The following SPIDR variants were observed in gnomAD, a reference collection of about 807,000 sequenced individuals.
The protein encoded by SPIDR is DNA repair-scaffolding protein.
SPIDR carries 93 observed loss-of-function variants against 104.6 expected under a neutral mutation model. The observed-to-expected ratio is 0.89, with a 90% CI of 0.75 to 1.06. The LOEUF (loss-of-function observed/expected upper bound fraction) is 1.06. Among genes scored for constraint, SPIDR ranks in the 50% least tolerant of loss-of-function variants. The pLI, the probability that SPIDR is intolerant of heterozygous loss-of-function variation, is 0.00. For synonymous variants in SPIDR, 431 were observed against 416.9 expected (o/e 1.03, Z -0.41); for missense variants, 1,154 against 1,111.2 (o/e 1.04, Z -0.55).
chr8:47,395,577 C>T (rs564252439), intron 5 of SPIDR, among the ~76,000 whole-genome samples: 1 of 152,178 alleles, frequency 6.6e-6, no homozygotes, highest in Admixed American at 6.5e-5. Context: ...AAATAAAATC[C>T]TATTGTGCTT....
At chr8:47,595,768 C>T in intron 8 of SPIDR, 43 bp from the exon 9 acceptor site, 1 of 1,583,522 alleles carries the variant, frequency 6.3e-7, no homozygotes, top group Non-Finnish European at 8.7e-7. Flanking sequence ...TGAGGGGACC[C>T]CAATATTGCA....
chr8:47,582,458 T>C (rs2154411928), intron 8 of SPIDR, among the ~76,000 whole-genome samples: 1 of 152,296 alleles, frequency 6.6e-6, no homozygotes, highest in African/African-American at 2.4e-5. Context: ...GTGCTGATAG[T>C]GATAGAAAAT....
At chr8:47,707,465 T>C (rs918263493) in intron 14 of SPIDR, among the ~76,000 whole-genome samples, 1 of 152,216 alleles carries the variant, frequency 6.6e-6, no homozygotes, top group Non-Finnish European at 1.5e-5. Context: ...GTCTTTAAAG[T>C]TATTTCTATT....
chr8:47,655,124 T>C (rs1466102672), intron 10 of SPIDR, among the ~76,000 whole-genome samples: 1 of 152,196 alleles, frequency 6.6e-6, no homozygotes, highest in African/African-American at 2.4e-5. Context: ...TCCAGTCTAT[T>C]ATTGTTGGAC....
intron 11 of SPIDR, among the ~76,000 whole-genome samples, chr8:47,695,251 A>G (rs2079168531): frequency 6.6e-6 from 1 of 152,154 alleles, no homozygotes; most frequent in African/African-American, 2.4e-5. Context: ...TGACTAGTCT[A>G]AAGTATTCCA....
chr8:47,272,299 A>G lies in SPIDR; in HGVS notation c.34-7563A>G, dbSNP rs1435203761. ...TTTGCTTGAAAACTGGACGTTTTAA[A>G]TAGTATGATTTGAAGTAATTCATAT... On this transcript the variant is annotated intron_variant, in intron 1 of 19. Transcript: ENST00000297423. Among the ~76,000 whole-genome samples, 5 of 152,124 alleles carry G rather than the reference A, an allele frequency of 3.3e-5. No homozygotes were observed. The East Asian group carries it at 9.7e-4, about 29-fold the overall frequency.
intron 5 of SPIDR, among the ~76,000 whole-genome samples, chr8:47,348,199 A>T (rs2154279528): frequency 6.6e-6 from 1 of 152,178 alleles, no homozygotes; most frequent in Middle Eastern, 3.4e-3. Flanking sequence ...TTTCTCCTTC[A>T]CTTTTGAAGC....
intron 7 of SPIDR, among the ~76,000 whole-genome samples, chr8:47,428,575 T>C (rs2066818639): frequency 6.6e-6 from 1 of 152,248 alleles, no homozygotes. Context: ...ATCTTTAGTT[T>C]CTCTGGGGAT....
intron 6 of SPIDR, among the ~76,000 whole-genome samples, chr8:47,402,424 T>C (rs1189777564): frequency 6.6e-6 from 1 of 152,154 alleles, no homozygotes; most frequent in Non-Finnish European, 1.5e-5. Flanking sequence ...GCTGGTTTTT[T>C]GAAAAGATGA....
At chr8:47,303,942 G>C (rs2042692498) in intron 5 of SPIDR, among the ~76,000 whole-genome samples, 1 of 152,114 alleles carries the variant, frequency 6.6e-6, no homozygotes, top group African/African-American at 2.4e-5. Context: ...CTCCCAAAGT[G>C]CTGAGATTAC....
At chr8:47,412,400 A>C (rs2063659650) in intron 7 of SPIDR, among the ~76,000 whole-genome samples, 1 of 152,252 alleles carries the variant, frequency 6.6e-6, no homozygotes, top group African/African-American at 2.4e-5. Flanking sequence ...CACAGGGACC[A>C]TGCTTCAGGC....
intron 5 of SPIDR, among the ~76,000 whole-genome samples, chr8:47,349,972 G>A (rs782252647): frequency 1.3e-5 from 2 of 152,182 alleles, no homozygotes; most frequent in Admixed American, 1.3e-4. Context: ...TCCGTGGGCT[G>A]CACCCACTGT....
intron 8 of SPIDR, among the ~76,000 whole-genome samples, chr8:47,463,447 AAAG>A (rs1281515786): frequency 2.0e-5 from 3 of 152,164 alleles, no homozygotes; most frequent in Admixed American, 6.5e-5. Flanking sequence ...CCAAACATTT[AAAG>A]AAGAATTAAC....
intron 5 of SPIDR, among the ~76,000 whole-genome samples, chr8:47,338,410 G>A (rs1554611303): frequency 6.6e-6 from 1 of 152,202 alleles, no homozygotes; most frequent in African/African-American, 2.4e-5. Context: ...TACAGTGGAA[G>A]ATGCAGCATC....
chr8:47,518,791 C>T (rs1304643758), intron 8 of SPIDR, among the ~76,000 whole-genome samples: 4 of 152,056 alleles, frequency 2.6e-5, no homozygotes, highest in Non-Finnish European at 5.9e-5. Context: ...CGCCTGCCAC[C>T]ACGCCTGGCT....
chr8:47,652,128 A>T (rs2071761794), intron 10 of SPIDR, among the ~76,000 whole-genome samples: 1 of 152,236 alleles, frequency 6.6e-6, no homozygotes, highest in East Asian at 1.9e-4. Flanking sequence ...TTAAAAAATA[A>T]ATAAGGGTCA....
chr8:47,368,946 A>G (rs1466792785), intron 5 of SPIDR, among the ~76,000 whole-genome samples: 1 of 152,218 alleles, frequency 6.6e-6, no homozygotes, highest in East Asian at 1.9e-4. Flanking sequence ...TGAAAGTTGT[A>G]GTAAACTGCT....
chr8:47,360,714 C>A, intron 5 of SPIDR: 1 of 374,112 alleles, frequency 2.7e-6, no homozygotes, highest in Non-Finnish European at 3.7e-6. Flanking sequence ...CTCCCACTTT[C>A]TACATGTTGG....
chr8:47,559,441 A>G (rs913126295), intron 8 of SPIDR, among the ~76,000 whole-genome samples: 4 of 152,212 alleles, frequency 2.6e-5, no homozygotes, highest in Non-Finnish European at 5.9e-5. Flanking sequence ...GGAACACACA[A>G]GTGTCCCCCT....
Sources: allele counts gnomAD v4.1 joint callset (sites outside exome capture counted in the v4.1 genomes callset), GRCh38; gene constraint gnomAD v4.1.1; transcripts MANE v1.5; gene names NCBI Gene and HGNC (gene_info 2026-07-23, HGNC 2026-07-21).